POLA1: variants seen among roughly 807,000 people sequenced by gnomAD.
POLA1 encodes the protein DNA polymerase alpha 1, catalytic subunit, also known as DNA polymerase alpha catalytic subunit.
A neutral mutation model predicts 124.0 loss-of-function variants in POLA1; 15 were observed. That is an observed-to-expected ratio of 0.12 (90% CI 0.08 to 0.19). POLA1 has a LOEUF of 0.19. Among genes scored for constraint, POLA1 ranks in the 10% least tolerant of loss-of-function variants. The probability of loss-of-function intolerance (pLI) is 1.00; values close to 1 mark genes in which losing one functional copy is unlikely to be tolerated. For synonymous variants in POLA1, 408 were observed against 389.4 expected, an observed-to-expected ratio of 1.05 and a Z score of -0.56; for missense variants, 886 against 1,103.4, an observed-to-expected ratio of 0.80 and a Z score of 2.79.
At chrX:24,852,712 G>C (rs759744743) in intron 34 of POLA1, among the ~76,000 whole-genome samples, 1 of 111,991 alleles carries the variant, frequency 8.9e-6, no homozygotes, top group East Asian at 2.8e-4. Flanking sequence ...CGTTTTTACT[G>C]TGCTATAGTG....
chrX:24,886,590 T>C (rs2047068382), intron 34 of POLA1, among the ~76,000 whole-genome samples: 1 of 111,399 alleles, frequency 9.0e-6, no homozygotes, highest in African/African-American at 3.3e-5. Context: ...AGGAATGAGG[T>C]CAAACGGCAC....
intron 26 of POLA1, among the ~76,000 whole-genome samples, chrX:24,804,132 A>G (rs2045763373): frequency 1.8e-5 from 2 of 110,701 alleles, no homozygotes; most frequent in African/African-American, 6.6e-5. Context: ...AGTGTTAAGT[A>G]GTGAAGACAG....
intron 31 of POLA1, among the ~76,000 whole-genome samples, chrX:24,822,567 A>C (rs777492671): frequency 8.9e-6 from 1 of 112,398 alleles, no homozygotes; most frequent in African/African-American, 3.2e-5. Context: ...GTGGATGTAC[A>C]TAACAAATGA....
At chrX:24,916,951 C>T (rs980258646) in intron 35 of POLA1, among the ~76,000 whole-genome samples, 1 of 112,248 alleles carries the variant, frequency 8.9e-6, no homozygotes, top group Non-Finnish European at 1.9e-5. Flanking sequence ...AAGACCAGAT[C>T]TTGTATACAA....
At chrX:24,976,815 G>C (rs1470601560) in intron 36 of POLA1, among the ~76,000 whole-genome samples, 1 of 111,963 alleles carries the variant, frequency 8.9e-6, no homozygotes, top group Non-Finnish European at 1.9e-5. Flanking sequence ...GCTGTTTTCA[G>C]TATTCACCTC....
intron 4 of POLA1, among the ~76,000 whole-genome samples, chrX:24,705,278 C>T (rs985257995): frequency 9.0e-6 from 1 of 111,245 alleles, no homozygotes; most frequent in Non-Finnish European, 1.9e-5. Context: ...GTGTGGCTCT[C>T]GAGCTAAGAA....
At position 24,850,684 on chromosome X, in the gene POLA1, A is replaced by T. The variant is rs6629923; in HGVS notation, c.4047+7007A>T. 2.6e-3 allele frequency among the ~76,000 whole-genome samples: 290 copies of T among 111,582 alleles called. 1 individual carries two copies. Among genetic ancestry groups the T allele is most frequent in the African/African-American group, 9.0e-3 (277 of 30,675 alleles). On this transcript the variant is annotated intron_variant, in intron 34 of 36. Transcript: ENST00000379068. ...TGAGGACTAACCCCCAGAGCCACTG[A>T]CGAGATCTGAGCTTGGGCCGTAGTC...
At chrX:24,808,345 C>G (rs951728090) in intron 26 of POLA1, among the ~76,000 whole-genome samples, 21 of 111,697 alleles carry the variant, frequency 1.9e-4, no homozygotes, top group African/African-American at 6.8e-4. Flanking sequence ...GAGAAGCATC[C>G]TACAGGAATT....
chrX:24,864,279 G>C (rs926142183), intron 34 of POLA1, among the ~76,000 whole-genome samples: 3 of 111,566 alleles, frequency 2.7e-5, no homozygotes, highest in Non-Finnish European at 5.6e-5. Flanking sequence ...ACCGCACCTG[G>C]CTGGAACTCT....
At chrX:24,934,999 G>T (rs762719378) in intron 36 of POLA1, among the ~76,000 whole-genome samples, 1 of 111,739 alleles carries the variant, frequency 8.9e-6, no homozygotes, top group Non-Finnish European at 1.9e-5. Flanking sequence ...GGGATTACAG[G>T]CATGAGCCAC....
intron 34 of POLA1, among the ~76,000 whole-genome samples, chrX:24,882,310 A>T (rs2047013024): frequency 1.8e-5 from 2 of 111,903 alleles, no homozygotes; most frequent in African/African-American, 6.5e-5. Context: ...TTTATTCAGA[A>T]GACTTTTAAA....
chrX:24,769,839 C>G (rs1441547069), intron 26 of POLA1, among the ~76,000 whole-genome samples: 1 of 112,129 alleles, frequency 8.9e-6, no homozygotes, highest in African/African-American at 3.2e-5. Context: ...TATCCACGTA[C>G]AGTACTTACT....
At chrX:24,973,764 C>T (rs2048331874) in intron 36 of POLA1, among the ~76,000 whole-genome samples, 1 of 111,915 alleles carries the variant, frequency 8.9e-6, no homozygotes, top group Admixed American at 9.4e-5. Context: ...TGGCGACCAT[C>T]TACATTGTAT....
At chrX:24,718,789 A>G (rs1930014279) in intron 10 of POLA1, among the ~76,000 whole-genome samples, 1 of 112,012 alleles carries the variant, frequency 8.9e-6, no homozygotes. Context: ...AATCCAGGGC[A>G]GGGCTGCTAG....
chrX:24,798,900 A>AT (rs900577496), intron 26 of POLA1, among the ~76,000 whole-genome samples: 2 of 111,126 alleles, frequency 1.8e-5, no homozygotes, highest in Non-Finnish European at 3.8e-5. Flanking sequence ...TTCTCAGAAG[A>AT]TTTTTTTTAA....
intron 36 of POLA1, among the ~76,000 whole-genome samples, chrX:24,950,936 C>G (rs1383676210): frequency 1.8e-5 from 2 of 111,910 alleles, no homozygotes; most frequent in Non-Finnish European, 3.8e-5. Context: ...TAGCTAAACT[C>G]TATCAGCGTT....
At chrX:24,917,693 C>G (rs1200195887) in intron 35 of POLA1, among the ~76,000 whole-genome samples, 1 of 111,642 alleles carries the variant, frequency 9.0e-6, no homozygotes, top group African/African-American at 3.3e-5. Context: ...GATAGAGAGT[C>G]TGTGTCCTCA....
At chrX:24,881,857 A>C (rs1299705381) in intron 34 of POLA1, among the ~76,000 whole-genome samples, 2 of 111,644 alleles carry the variant, frequency 1.8e-5, no homozygotes, top group Non-Finnish European at 3.8e-5. Flanking sequence ...CAGGCAAAAT[A>C]TGGTGAGTAC....
Position 24,996,052 on chromosome X carries a change from T to G in POLA1, c.*102T>G. The G allele has an allele frequency of 1.4e-6, 1 of 737,541 alleles. No homozygotes were observed. Among genetic ancestry groups the G allele is most frequent in the East Asian group, 3.3e-5 (1 of 30,377 alleles). The allele number at this position is 737,541 out of a possible 1,213,427, so 60.8% of individuals were successfully genotyped here. A position where few individuals can be genotyped will look rare whatever the true frequency, so the allele number is the denominator to read the frequency against. On this transcript the variant is annotated 3_prime_UTR_variant, in exon 37 of 37. Transcript: ENST00000379068. ...TGCTCCTCCAGCATCTGTTTCTCCC[T>G]TGGGACTGTGTCTCATGTTTGTGTG...
Sources: gnomAD v4.1 joint callset for allele counts (sites outside exome capture counted in the v4.1 genomes callset) on GRCh38, gnomAD v4.1.1 for gene constraint, MANE v1.5 for transcripts, NCBI Gene and HGNC (gene_info 2026-07-23, HGNC 2026-07-21) for gene names.